Variants in FARS2 observed in about 807,000 individuals in gnomAD.
FARS2 encodes the protein phenylalanine--tRNA ligase, mitochondrial.
Under a neutral mutation model 46.4 loss-of-function variants are expected in FARS2, and 40 were observed. That is an observed-to-expected ratio of 0.86 (90% CI 0.67 to 1.12). The LOEUF is 1.12. FARS2 is among the 50% of genes most tolerant of loss of function. The probability of loss-of-function intolerance (pLI) is 0.00; values close to 1 mark genes in which losing one functional copy is unlikely to be tolerated. For missense variants in FARS2, 513 were observed against 567.9 expected (o/e 0.90, Z 0.98); for synonymous variants, 234 against 214.9 (o/e 1.09, Z -0.78).
At chr6:5,600,013 A>ATTT (rs1774422217) in intron 5 of FARS2, among the ~76,000 whole-genome samples, 4 of 152,198 alleles carry the variant, frequency 2.6e-5, no homozygotes, top group Non-Finnish European at 5.9e-5. Context: ...CCCCTGTCTA[A>ATTT]CTAAAGTAGC....
At position 5,691,027 on chromosome 6, in the gene FARS2, G is replaced by A. The variant is rs998519763; in HGVS notation, c.1217+77707G>A. Among the ~76,000 whole-genome samples, 17 of 152,110 alleles carry A rather than the reference G, an allele frequency of 1.1e-4. No individual in the cohort carries two copies. The South Asian group carries it at 1.5e-3, about 13-fold the overall frequency. ...CTTGTGCATTCATCACATAGTTCTCGTGCCGTGGTTTTCAGGTCCTTTAAG... is the reference window on the plus strand; with the variant it reads ...CTTGTGCATTCATCACATAGTTCTCATGCCGTGGTTTTCAGGTCCTTTAAG... On this transcript the variant is annotated intron_variant, in intron 6 of 6. Coordinates refer to ENST00000274680, the MANE Select transcript of FARS2 (RefSeq NM_006567.5).
At chr6:5,488,971 G>GA (rs1157888268) in intron 4 of FARS2, among the ~76,000 whole-genome samples, 1 of 152,146 alleles carries the variant, frequency 6.6e-6, no homozygotes, top group Non-Finnish European at 1.5e-5. Context: ...CTATAGCAGT[G>GA]AATAAAACAG....
intron 4 of FARS2, among the ~76,000 whole-genome samples, chr6:5,447,685 T>C (rs1404388716): frequency 6.6e-6 from 1 of 152,196 alleles, no homozygotes. Flanking sequence ...AAACAGTCCA[T>C]GTAGAAGTGA....
At chr6:5,597,390 C>G (rs749293478) in intron 5 of FARS2, among the ~76,000 whole-genome samples, 7 of 152,156 alleles carry the variant, frequency 4.6e-5, no homozygotes, top group Non-Finnish European at 1.0e-4. Flanking sequence ...CACTTGACAC[C>G]TCTAAAATTC....
intron 4 of FARS2, among the ~76,000 whole-genome samples, chr6:5,496,219 T>C (rs970553930): frequency 6.6e-6 from 1 of 152,220 alleles, no homozygotes; most frequent in African/African-American, 2.4e-5. Context: ...GTCTCTCTAG[T>C]TGCTCTGCAC....
At chr6:5,383,945 A>C (rs1470087964) in intron 2 of FARS2, among the ~76,000 whole-genome samples, 1 of 152,142 alleles carries the variant, frequency 6.6e-6, no homozygotes, top group African/African-American at 2.4e-5. Flanking sequence ...AAGAAAATGC[A>C]ATCTCTTTCT....
chr6:5,307,997 A>G (rs1006956135), intron 1 of FARS2, among the ~76,000 whole-genome samples: 5 of 152,172 alleles, frequency 3.3e-5, no homozygotes, highest in African/African-American at 1.2e-4. Flanking sequence ...AACTATTTGC[A>G]ATTTATATGG....
chr6:5,738,193 C>T (rs1040559509), intron 6 of FARS2, among the ~76,000 whole-genome samples: 1 of 152,220 alleles, frequency 6.6e-6, no homozygotes, highest in African/African-American at 2.4e-5. Context: ...TCAAGCAATC[C>T]TCCTGCCTTG....
In FARS2 at chr6:5,343,147, A is replaced by G. The variant is rs536972009; in HGVS notation, c.-21-25403A>G. 6.6e-6 allele frequency among the ~76,000 whole-genome samples: 1 copy of G among 152,322 alleles called. No individual in the cohort carries two copies. The highest frequency in any genetic ancestry group is 1.9e-4 in the East Asian group (1 of 5,184). ...TAATAATTTATTTTACCGATTAGAG[A>G]TGGTACTACTGCTGACAAAACTGTT... On this transcript the variant is annotated intron_variant, in intron 1 of 6. Transcript: ENST00000274680. The surrounding 1 kb of genome is among the most constrained non-coding windows in gnomAD (Gnocchi z 4.5).
chr6:5,598,442 T>C lies in FARS2; in HGVS notation c.1066-14727T>C, dbSNP rs189406169. 7.9e-3 allele frequency among the ~76,000 whole-genome samples: 1,199 copies of C among 152,344 alleles called. 7 individuals are homozygous for C. Among genetic ancestry groups the C allele is most frequent in the South Asian group, 0.016 (75 of 4,832 alleles). Reference sequence around the variant, plus strand: ...ATGTAAGTAAATAAATAAGTGGTCATGTTTAGCTTTTTTGTCTTCTCTCCA... The same window carrying C: ...ATGTAAGTAAATAAATAAGTGGTCACGTTTAGCTTTTTTGTCTTCTCTCCA... On this transcript the variant is annotated intron_variant, in intron 5 of 6. Coordinates refer to ENST00000274680, the MANE Select transcript of FARS2 (RefSeq NM_006567.5).
At chr6:5,449,186 T>C (rs1224066482) in intron 4 of FARS2, among the ~76,000 whole-genome samples, 1 of 151,760 alleles carries the variant, frequency 6.6e-6, no homozygotes, top group African/African-American at 2.4e-5. Context: ...CCATCTTTAC[T>C]ACAAATGCAA....
At chr6:5,647,789 A>G (rs563697785) in intron 6 of FARS2, among the ~76,000 whole-genome samples, 115 of 152,350 alleles carry the variant, frequency 7.5e-4, no homozygotes, top group African/African-American at 2.6e-3. Context: ...TCAGTGCATG[A>G]TACCACATAC....
At chr6:5,316,195 T>A (rs1489289597) in intron 1 of FARS2, among the ~76,000 whole-genome samples, 8 of 152,248 alleles carry the variant, frequency 5.3e-5, no homozygotes, top group Admixed American at 5.2e-4. Context: ...TGACTGGCAC[T>A]GTAGGAAGGA....
intron 5 of FARS2, among the ~76,000 whole-genome samples, chr6:5,553,287 A>G (rs1391272201): frequency 6.6e-6 from 1 of 152,200 alleles, no homozygotes; most frequent in Non-Finnish European, 1.5e-5. Context: ...CTGCAAACCT[A>G]TGATACTACA....
intron 6 of FARS2, among the ~76,000 whole-genome samples, chr6:5,660,382 A>G (rs1263238616): frequency 1.3e-5 from 2 of 152,310 alleles, no homozygotes; most frequent in South Asian, 2.1e-4. Context: ...CATGGCTCAC[A>G]GGCCCGTAAT....
intron 3 of FARS2, among the ~76,000 whole-genome samples, chr6:5,419,965 G>T (rs182307035): frequency 6.6e-6 from 1 of 152,260 alleles, no homozygotes; most frequent in East Asian, 1.9e-4. Context: ...TCACATTGCT[G>T]ATAAAGACAT....
chr6:5,536,931 G>A (rs1440864230), intron 4 of FARS2, among the ~76,000 whole-genome samples: 1 of 152,188 alleles, frequency 6.6e-6, no homozygotes. Context: ...TTTGTTGGAA[G>A]TTGAGAGATA....
chr6:5,629,888 A>G (rs1030442896), intron 6 of FARS2, among the ~76,000 whole-genome samples: 1 of 152,174 alleles, frequency 6.6e-6, no homozygotes, highest in South Asian at 2.1e-4. Flanking sequence ...AAGAAACCAC[A>G]TAACTCTCAG....
At chr6:5,393,124 A>G (rs766735894) in intron 2 of FARS2, among the ~76,000 whole-genome samples, 5 of 151,972 alleles carry the variant, frequency 3.3e-5, no homozygotes, top group Non-Finnish European at 7.4e-5. Flanking sequence ...TTTCATATGT[A>G]CCTACATGGA....
Sources: allele counts gnomAD v4.1 joint callset (sites outside exome capture counted in the v4.1 genomes callset), GRCh38; gene constraint gnomAD v4.1.1; non-coding constraint Gnocchi (gnomAD v3.1); transcripts MANE v1.5; gene names NCBI Gene and HGNC (gene_info 2026-07-23, HGNC 2026-07-21).